The following GLRA2 variants were observed in gnomAD, a reference collection of about 807,000 sequenced individuals.
GLRA2 encodes glycine receptor subunit alpha-2.
GLRA2 carries 11 observed loss-of-function variants against 31.6 expected under a neutral mutation model. That is an observed-to-expected ratio of 0.35 (90% CI 0.22 to 0.58). The LOEUF (loss-of-function observed/expected upper bound fraction) is 0.58. GLRA2 is among the 20% of genes least tolerant of loss of function. The pLI is 0.84. For missense variants in GLRA2, 212 were observed against 351.8 expected (o/e 0.60, Z 3.18); for synonymous variants, 132 against 134.0 (o/e 0.99, Z 0.10).
chrX:14,725,676 A>G (rs1342477229), intron 8 of GLRA2, among the ~76,000 whole-genome samples: 1 of 112,411 alleles, frequency 8.9e-6, no homozygotes, highest in Non-Finnish European at 1.9e-5. Flanking sequence ...ATGACAAACA[A>G]TTCACTACAA....
chrX:14,505,374 G>C, the GLRA2 span, among the ~76,000 whole-genome samples: 51,393 of 110,280 alleles, frequency 0.47, 8,990 homozygotes, highest in Non-Finnish European at 0.54. Flanking sequence ...CTTTAGCACT[G>C]AAAGTCCTGT....
the GLRA2 span, among the ~76,000 whole-genome samples, chrX:14,499,127 C>T: frequency 1.8e-5 from 2 of 111,150 alleles, no homozygotes; most frequent in African/African-American, 3.3e-5. Flanking sequence ...GGGTATATAC[C>T]CAGCAGTGGA....
At chrX:14,602,356 T>TTTGTTTGA in intron 4 of GLRA2, among the ~76,000 whole-genome samples, 1 of 34,077 alleles carries the variant, frequency 2.9e-5, no homozygotes, top group South Asian at 8.4e-4. Flanking sequence ...CAAACCGTTG[T>TTTGTTTGA]TTGTTTGTTT....
chrX:14,698,714 A>G (rs1601852679), intron 8 of GLRA2, among the ~76,000 whole-genome samples: 1 of 107,163 alleles, frequency 9.3e-6, no homozygotes, highest in African/African-American at 3.4e-5. Context: ...AAAAAAGTAA[A>G]TATTCCCAAG....
intron 8 of GLRA2, among the ~76,000 whole-genome samples, chrX:14,715,607 T>C (rs2091774132): frequency 9.0e-6 from 1 of 111,514 alleles, no homozygotes; most frequent in Admixed American, 9.6e-5. Context: ...TGGCTCAGGA[T>C]CAGGGGTCAA....
At chrX:14,544,540 C>T (rs190980266) in intron 2 of GLRA2, among the ~76,000 whole-genome samples, 1 of 111,216 alleles carries the variant, frequency 9.0e-6, no homozygotes, top group Non-Finnish European at 1.9e-5. Context: ...TAAATCTATA[C>T]CAAAAATCTC....
chrX:14,479,115 A>G, the GLRA2 span, among the ~76,000 whole-genome samples: 1 of 105,889 alleles, frequency 9.4e-6, no homozygotes, highest in Non-Finnish European at 2.0e-5. Context: ...GCATGCAGAG[A>G]AAAAAAAAAA....
At chrX:14,663,766 T>G (rs1220313013) in intron 7 of GLRA2, among the ~76,000 whole-genome samples, 2 of 111,375 alleles carry the variant, frequency 1.8e-5, no homozygotes, top group Non-Finnish European at 3.8e-5. Flanking sequence ...TTGAAAAAAT[T>G]TTTCTAGGGA....
the GLRA2 span, among the ~76,000 whole-genome samples, chrX:14,472,836 C>T: frequency 5.4e-5 from 6 of 111,235 alleles, no homozygotes; most frequent in African/African-American, 1.6e-4. Context: ...CAGGGGCATT[C>T]TGTGTGTGTT....
chrX:14,578,996 C>T (rs2089987199), intron 3 of GLRA2, among the ~76,000 whole-genome samples: 1 of 112,041 alleles, frequency 8.9e-6, no homozygotes, highest in Non-Finnish European at 1.9e-5. Flanking sequence ...CAAAATGTGT[C>T]TGCTCAGAGA....
the GLRA2 span, among the ~76,000 whole-genome samples, chrX:14,511,034 C>T: frequency 1.8e-5 from 2 of 111,234 alleles, no homozygotes; most frequent in Non-Finnish European, 3.8e-5. Context: ...CCCACTAACT[C>T]GTCATCTAGC....
chrX:14,502,015 C>A, the GLRA2 span, among the ~76,000 whole-genome samples: 1 of 110,972 alleles, frequency 9.0e-6, no homozygotes, highest in Non-Finnish European at 1.9e-5. Flanking sequence ...GAACTAAGAC[C>A]CACTCCAATA....
At chrX:14,599,890 A>G (rs1209605329) in intron 4 of GLRA2, among the ~76,000 whole-genome samples, 3 of 111,823 alleles carry the variant, frequency 2.7e-5, no homozygotes, top group Non-Finnish European at 5.6e-5. Flanking sequence ...ATAAATGATG[A>G]GCTCTGAGGC....
chrX:14,685,348 A>T (rs2091264128), intron 7 of GLRA2, among the ~76,000 whole-genome samples: 1 of 111,541 alleles, frequency 9.0e-6, no homozygotes, highest in Non-Finnish European at 1.9e-5. Context: ...CTTAGGGAGG[A>T]TTCCCTCTTT....
the GLRA2 span, among the ~76,000 whole-genome samples, chrX:14,502,685 A>G: frequency 9.0e-6 from 1 of 111,242 alleles, no homozygotes; most frequent in Non-Finnish European, 1.9e-5. Flanking sequence ...AAAACACTTT[A>G]TCTAATATAT....
intron 2 of GLRA2, among the ~76,000 whole-genome samples, chrX:14,562,057 G>A (rs1484070896): frequency 8.9e-6 from 1 of 112,245 alleles, no homozygotes; most frequent in Non-Finnish European, 1.9e-5. Flanking sequence ...AAAATCTATA[G>A]TCAAATAAGT....
At position 14,730,558 on chromosome X, in the gene GLRA2, T is replaced by C. The variant is rs2091980277; in HGVS notation, c.*73T>C. The stretch of plus-strand genomic sequence containing the variant: ...TAAATACACAGTGAAATTGTCTTTA[T>C]ATCACTTTGACAGAGGAGAAGATTG... On this transcript the variant is annotated 3_prime_UTR_variant, in exon 9 of 9. Coordinates refer to ENST00000218075, the MANE Select transcript of GLRA2 (RefSeq NM_002063.4). 1 of 395,953 alleles carries C rather than the reference T, an allele frequency of 2.5e-6. No homozygotes were observed. The highest frequency in any genetic ancestry group is 4.1e-5 in the South Asian group (1 of 24,411). 32.6% of individuals were successfully genotyped at this position (395,953 alleles called of 1,213,427 possible).
the GLRA2 span, among the ~76,000 whole-genome samples, chrX:14,469,942 T>A: frequency 3.2e-4 from 36 of 111,779 alleles, no homozygotes; most frequent in African/African-American, 1.1e-3. Flanking sequence ...TGATGTAATT[T>A]CAAAGTCAAT....
intron 7 of GLRA2, among the ~76,000 whole-genome samples, chrX:14,639,714 T>C (rs1375678205): frequency 1.8e-5 from 2 of 111,811 alleles, no homozygotes; most frequent in Non-Finnish European, 3.8e-5. Context: ...CTGGAGACCC[T>C]ACCAAAACAA....
Sources: allele counts gnomAD v4.1 joint callset (sites outside exome capture counted in the v4.1 genomes callset), GRCh38; gene constraint gnomAD v4.1.1; transcripts MANE v1.5; gene names NCBI Gene and HGNC (gene_info 2026-07-23, HGNC 2026-07-21).